IL4: variants seen among roughly 807,000 people sequenced by gnomAD.
IL4 encodes the protein interleukin-4.
IL4 carries 10 observed loss-of-function variants against 17.4 expected under a neutral mutation model. The observed-to-expected ratio is 0.57, with a 90% CI of 0.35 to 0.97. The LOEUF (loss-of-function observed/expected upper bound fraction) is 0.97. IL4 is among the 50% of genes least tolerant of loss of function. The probability of loss-of-function intolerance (pLI) is 0.01; values close to 1 mark genes in which losing one functional copy is unlikely to be tolerated. For missense variants in IL4, 174 were observed against 187.7 expected (o/e 0.93, Z 0.43); for synonymous variants, 87 against 79.0 (o/e 1.10, Z -0.54).
chr5:132,676,419 C>T (rs2243259), intron 2 of IL4, among the ~76,000 whole-genome samples: 1,531 of 152,228 alleles, frequency 0.01, 23 homozygotes, highest in African/African-American at 0.032. Flanking sequence ...TCCAGGATGC[C>T]GAGTCTGGGG....
Position 132,675,927 on chromosome 5 carries a change from A to G in IL4, c.183+1421A>G, listed in dbSNP as rs201637711. On this transcript the variant is annotated intron_variant, in intron 2 of 3. Coordinates refer to ENST00000231449, the MANE Select transcript of IL4 (RefSeq NM_000589.4). ...TGTGTGTATGTATATATGTGTATGT[A>G]TATGTGTGTGTGTGTGTGTGTGTGT... Among the ~76,000 whole-genome samples, 299 of 40,994 alleles carry G rather than the reference A, an allele frequency of 7.3e-3. 1 individual carries two copies. Among genetic ancestry groups the G allele is most frequent in the African/African-American group, 0.031 (236 of 7,678 alleles). 26.9% of individuals were successfully genotyped at this position (40,994 alleles called of 152,430 possible).
In IL4 at chr5:132,674,040, G is replaced by A. The variant is rs199810573; in HGVS notation, c.-11G>A. 5.3e-5 allele frequency: 86 copies of A among 1,613,398 alleles called. 1 individual carries two copies. In the South Asian group the frequency reaches 8.2e-4, roughly 15 times the overall value. On this transcript the variant is annotated 5_prime_UTR_variant, in exon 1 of 4. Transcript: ENST00000231449. Reference sequence around the variant, plus strand: ...TTGCCTCACATTGTCACTGCAAATCGACACCTATTAATGGGTCTCACCTCC... The same window carrying A: ...TTGCCTCACATTGTCACTGCAAATCAACACCTATTAATGGGTCTCACCTCC...
At chr5:132,682,422 C>G in intron 3 of IL4, 64 bp from the exon 4 acceptor site, 1 of 972,910 alleles carries the variant, frequency 1.0e-6, no homozygotes. Flanking sequence ...TAGGCTTGAT[C>G]AAGTAGACAG....
chr5:132,679,945 GC>G (rs1240872758), intron 3 of IL4, 55 bp downstream of exon 3: 2 of 1,485,394 alleles, frequency 1.3e-6, no homozygotes, highest in African/African-American at 2.8e-5. Flanking sequence ...GTGGACAGCA[GC>G]CTCACTTCTA....
chr5:132,679,517 A>G (rs1343713674), intron 2 of IL4, among the ~76,000 whole-genome samples, 197 bp from the exon 3 acceptor site: 1 of 152,142 alleles, frequency 6.6e-6, no homozygotes, highest in Non-Finnish European at 1.5e-5. Context: ...TGCGTTTGCA[A>G]TTGGGAGAGG....
Position 132,679,776 on chromosome 5 carries a change from C to G in IL4, c.246C>G (p.His82Gln), listed in dbSNP as rs938917376. 1.2e-6 allele frequency: 2 copies of G among 1,614,142 alleles called. No individual in the cohort carries two copies. The highest frequency in any genetic ancestry group is 1.7e-6 in the Non-Finnish European group (2 of 1,180,002). The change falls in exon 3 of 4, where the codon CAC becomes CAG. Residue 82 changes from histidine to glutamine, a missense_variant. Coordinates refer to ENST00000231449, the MANE Select transcript of IL4 (RefSeq NM_000589.4). Reference protein sequence around the residue: ...AATVLRQFYSHHEKDTRCLGA... With the variant: ...AATVLRQFYSQHEKDTRCLGA... Reference sequence around the variant, plus strand: ...CTGTGCTCCGGCAGTTCTACAGCCACCATGAGAAGGACACTCGCTGCCTGG... The same window carrying G: ...CTGTGCTCCGGCAGTTCTACAGCCAGCATGAGAAGGACACTCGCTGCCTGG...
intron 2 of IL4, among the ~76,000 whole-genome samples, chr5:132,677,469 G>A (rs888276503): frequency 2.6e-5 from 4 of 152,138 alleles, no homozygotes; most frequent in South Asian, 2.1e-4. Context: ...TCGCCCCCTC[G>A]CTGCGATACC....
chr5:132,675,901 ATGTG>A (rs1246332675), intron 2 of IL4, among the ~76,000 whole-genome samples: 140 of 126,848 alleles, frequency 1.1e-3, no homozygotes, highest in African/African-American at 3.4e-3. Context: ...GTGTATATAT[ATGTG>A]TGTATGTATA....
In IL4 at chr5:132,682,646, C is replaced by A; in HGVS notation, c.*59C>A. On this transcript the variant is annotated 3_prime_UTR_variant, in exon 4 of 4. Transcript: ENST00000231449. ...TTTTTAAGTATTTATATATTTATAACTCATCATAAAATAAAGTATATATAG... is the reference window on the plus strand; with the variant it reads ...TTTTTAAGTATTTATATATTTATAAATCATCATAAAATAAAGTATATATAG... The A allele has an allele frequency of 1.2e-6, 1 of 823,048 alleles. No homozygotes were observed. The highest frequency in any genetic ancestry group is 1.9e-6 in the Non-Finnish European group (1 of 523,018). The allele number at this position is 823,048 out of a possible 1,614,324, so 51.0% of individuals were successfully genotyped here. A position where few individuals can be genotyped will look rare whatever the true frequency, so the allele number is the denominator to read the frequency against.
At chr5:132,674,295 G>A in intron 1 of IL4, 110 bp downstream of exon 1, 1 of 1,379,440 alleles carries the variant, frequency 7.2e-7, no homozygotes, top group Non-Finnish European at 1.0e-6. Flanking sequence ...GTGGTTGGTG[G>A]CAGTCCAGGG....
At chr5:132,677,683 C>T (rs1469721156) in intron 2 of IL4, 1 of 152,124 alleles carries the variant, frequency 6.6e-6, no homozygotes, top group Non-Finnish European at 1.5e-5. Flanking sequence ...TTTCCAGGCT[C>T]CAAGCCAGCG....
chr5:132,674,019 C>T lies in IL4; in HGVS notation c.-32C>T, dbSNP rs1374379100. Reference sequence around the variant, plus strand: ...TAGCTTCTCCTGATAAACTAATTGCCTCACATTGTCACTGCAAATCGACAC... The same window carrying T: ...TAGCTTCTCCTGATAAACTAATTGCTTCACATTGTCACTGCAAATCGACAC... On this transcript the variant is annotated 5_prime_UTR_variant, in exon 1 of 4. Transcript: ENST00000231449. The T allele has an allele frequency of 6.2e-7, 1 of 1,608,266 alleles. No individual in the cohort carries two copies. Among genetic ancestry groups the T allele is most frequent in the Non-Finnish European group, 8.5e-7 (1 of 1,175,020 alleles).
chr5:132,674,285 G>A, intron 1 of IL4, 100 bp downstream of exon 1: 1 of 1,450,700 alleles, frequency 6.9e-7, no homozygotes, highest in Non-Finnish European at 9.6e-7. Flanking sequence ...GTTGGAACTG[G>A]TGGTTGGTGG....
intron 2 of IL4, chr5:132,677,944 C>T (rs1752412584): frequency 6.6e-6 from 1 of 152,212 alleles, no homozygotes; most frequent in Non-Finnish European, 1.5e-5. Context: ...CAACTAGAAT[C>T]AGGAACGAGG....
At chr5:132,681,804 G>A (rs1239547682) in intron 3 of IL4, among the ~76,000 whole-genome samples, 1 of 152,152 alleles carries the variant, frequency 6.6e-6, no homozygotes, top group Non-Finnish European at 1.5e-5. Context: ...CTATCACCTT[G>A]TAGACAATGG....
Position 132,682,561 on chromosome 5 carries a change from G to C in IL4, c.436G>C (p.Glu146Gln). ...GGAAAGGCTAAAGACGATCATGAGAGAGAAATATTCAAAGTGTTCGAGCTG... is the reference window on the plus strand; with the variant it reads ...GGAAAGGCTAAAGACGATCATGAGACAGAAATATTCAAAGTGTTCGAGCTG... ...FLERLKTIMR[E>Q]KYSKCSS The change falls in exon 4 of 4, where the codon GAG becomes CAG. Residue 146 changes from glutamate (E) to glutamine (Q), a missense_variant. By Grantham distance (29) the Glu-to-Gln change is conservative. Coordinates refer to ENST00000231449, the MANE Select transcript of IL4 (RefSeq NM_000589.4). 6.2e-7 allele frequency: 1 copy of C among 1,606,718 alleles called. No individual in the cohort carries two copies. The highest frequency in any genetic ancestry group is 8.5e-7 in the Non-Finnish European group (1 of 1,173,854).
intron 2 of IL4, among the ~76,000 whole-genome samples, chr5:132,675,550 C>CA (rs1269280516): frequency 5.5e-5 from 6 of 110,040 alleles, no homozygotes; most frequent in African/African-American, 1.5e-4. Flanking sequence ...GGCAAATACA[C>CA]ACTTTTTTTT....
intron 3 of IL4, 108 bp from the exon 4 acceptor site, chr5:132,682,378 G>A (rs939185552): frequency 3.0e-6 from 2 of 670,358 alleles, no homozygotes; most frequent in African/African-American, 1.8e-5. Flanking sequence ...TGGAGGCCTT[G>A]GTTTTATAAG....
chr5:132,674,384 C>A, intron 1 of IL4, 75 bp from the exon 2 acceptor site: 1 of 1,459,172 alleles, frequency 6.9e-7, no homozygotes, highest in Non-Finnish European at 9.6e-7. Context: ...GGAGTGAGAG[C>A]TGCTCATCAA....
Sources: allele counts gnomAD v4.1 joint callset (sites outside exome capture counted in the v4.1 genomes callset), GRCh38; gene constraint gnomAD v4.1.1; transcripts MANE v1.5; gene names NCBI Gene and HGNC (gene_info 2026-07-23, HGNC 2026-07-21).